The following ARHGAP24 variants were observed in gnomAD, a reference collection of about 807,000 sequenced individuals.
ARHGAP24 encodes Rho GTPase activating protein 24.
A neutral mutation model predicts 76.4 loss-of-function variants in ARHGAP24; 50 were observed. That is an observed-to-expected ratio of 0.65 (90% CI 0.52 to 0.83). The LOEUF (loss-of-function observed/expected upper bound fraction) is 0.83, where lower values mean the gene tolerates loss of function less well. Among genes scored for constraint, ARHGAP24 ranks in the 40% least tolerant of loss-of-function variants. ARHGAP24 has a pLI of 0.00. For synonymous variants in ARHGAP24, 345 were observed against 323.3 expected, an observed-to-expected ratio of 1.07 and a Z score of -0.72; for missense variants, 930 against 914.2, an observed-to-expected ratio of 1.02 and a Z score of -0.22.
chr4:85,833,349 T>C (rs1257194879), intron 3 of ARHGAP24, among the ~76,000 whole-genome samples: 1 of 152,238 alleles, frequency 6.6e-6, no homozygotes, highest in Non-Finnish European at 1.5e-5. Context: ...ACAGCTTCAA[T>C]TGGAAAGGTT....
chr4:85,625,438 A>T (rs868652785), intron 2 of ARHGAP24, among the ~76,000 whole-genome samples: 2 of 152,082 alleles, frequency 1.3e-5, no homozygotes, highest in Admixed American at 1.3e-4. Flanking sequence ...TCTGAGAGAC[A>T]GTTTGTTATA....
At chr4:85,879,628 C>G (rs1733125178) in intron 3 of ARHGAP24, among the ~76,000 whole-genome samples, 1 of 151,740 alleles carries the variant, frequency 6.6e-6, no homozygotes, top group Admixed American at 6.6e-5. Flanking sequence ...TGCACTAGTC[C>G]TCCCTTCTCT....
At chr4:85,482,989 T>C (rs1722875987) in intron 1 of ARHGAP24, among the ~76,000 whole-genome samples, 1 of 152,144 alleles carries the variant, frequency 6.6e-6, no homozygotes, top group South Asian at 2.1e-4. Context: ...CCTGCAACCT[T>C]GGGGAGGTTG....
intron 3 of ARHGAP24, among the ~76,000 whole-genome samples, chr4:85,820,770 T>G (rs1185529251): frequency 6.6e-6 from 1 of 152,182 alleles, no homozygotes; most frequent in Admixed American, 6.5e-5. Context: ...AGACTTTTTT[T>G]GATCCACTGC....
chr4:85,569,238 C>T (rs1578043655), intron 1 of ARHGAP24, among the ~76,000 whole-genome samples: 1 of 152,108 alleles, frequency 6.6e-6, no homozygotes, highest in Admixed American at 6.5e-5. Context: ...GAATAATCTA[C>T]GTTTTATCAG....
chr4:85,964,755 G>A (rs773990648), intron 5 of ARHGAP24, among the ~76,000 whole-genome samples: 59 of 152,050 alleles, frequency 3.9e-4, no homozygotes, highest in Middle Eastern at 3.4e-3. Context: ...CACCAAACTG[G>A]GATTGCTCAA....
chr4:85,547,837 A>G (rs1277418411), intron 1 of ARHGAP24, among the ~76,000 whole-genome samples: 1 of 152,178 alleles, frequency 6.6e-6, no homozygotes, highest in South Asian at 2.1e-4. Context: ...AGAAACTTTG[A>G]CACTATTTAA....
chr4:85,937,162 C>T (rs1006438308), intron 4 of ARHGAP24, among the ~76,000 whole-genome samples: 3 of 152,272 alleles, frequency 2.0e-5, no homozygotes, highest in Admixed American at 1.3e-4. Flanking sequence ...TTCAAAAACT[C>T]ATGGAAGAAA....
intron 4 of ARHGAP24, among the ~76,000 whole-genome samples, chr4:85,935,177 CTA>C (rs1316554163): frequency 6.6e-6 from 1 of 152,188 alleles, no homozygotes; most frequent in Non-Finnish European, 1.5e-5. Context: ...CTATCCAAAT[CTA>C]TATAATTTTA....
chr4:85,921,998 C>T (rs1735747189), intron 3 of ARHGAP24, among the ~76,000 whole-genome samples: 1 of 152,070 alleles, frequency 6.6e-6, no homozygotes, highest in Non-Finnish European at 1.5e-5. Flanking sequence ...TGATGATCAA[C>T]CTAGAGTGGA....
Position 85,995,206 on chromosome 4 carries a change from G to C in ARHGAP24, c.1552G>C (p.Glu518Gln). Reference sequence around the variant, plus strand: ...GACCCTGAGGGATAACAAGCAGAAAGAACAAGCTGGAGAGTTAGGCCAGCA... The same window carrying C: ...GACCCTGAGGGATAACAAGCAGAAACAACAAGCTGGAGAGTTAGGCCAGCA... The part of the protein sequence containing the change: ...YVTLRDNKQK[E>Q]QAGELGQHNR... Residue 518 changes from glutamate to glutamine, a missense_variant, in exon 9 of 10, where the codon GAA (glutamate) becomes CAA (glutamine). Physicochemically the swap from Glu to Gln is conservative, Grantham distance 29. Coordinates refer to ENST00000395184, the MANE Select transcript of ARHGAP24 (RefSeq NM_001025616.3). 6.2e-7 allele frequency: 1 copy of C among 1,613,972 alleles called. No homozygotes were observed. Among genetic ancestry groups the C allele is most frequent in the Non-Finnish European group, 8.5e-7 (1 of 1,180,030 alleles).
chr4:85,619,509 TC>T (rs1352199872), intron 2 of ARHGAP24, among the ~76,000 whole-genome samples: 1 of 151,718 alleles, frequency 6.6e-6, no homozygotes, highest in East Asian at 1.9e-4. Flanking sequence ...AAAAAAAAAG[TC>T]ATTGAAATTT....
At chr4:85,577,994 A>G (rs1727454915) in intron 2 of ARHGAP24, among the ~76,000 whole-genome samples, 1 of 152,192 alleles carries the variant, frequency 6.6e-6, no homozygotes, top group Non-Finnish European at 1.5e-5. Context: ...AAGCAGTGGT[A>G]AATATCTTAG....
chr4:85,897,358 C>T (rs1734235642), intron 3 of ARHGAP24, among the ~76,000 whole-genome samples: 1 of 152,214 alleles, frequency 6.6e-6, no homozygotes, highest in African/African-American at 2.4e-5. Context: ...TGTTTATCTA[C>T]TTTAAAAAAT....
chr4:85,881,460 GTT>G (rs10707352), intron 3 of ARHGAP24, among the ~76,000 whole-genome samples: 10 of 151,368 alleles, frequency 6.6e-5, no homozygotes, highest in Admixed American at 4.6e-4. Context: ...AGGGTTTTGT[GTT>G]TTTTTTTTAA....
At chr4:85,621,811 T>C (rs537064854) in intron 2 of ARHGAP24, among the ~76,000 whole-genome samples, 34 of 152,164 alleles carry the variant, frequency 2.2e-4, no homozygotes, top group Non-Finnish European at 4.7e-4. Context: ...GCATTTGCTT[T>C]TCAGGACTTA....
chr4:85,740,401 T>G (rs1374294159), intron 3 of ARHGAP24, among the ~76,000 whole-genome samples: 1 of 152,000 alleles, frequency 6.6e-6, no homozygotes, highest in Non-Finnish European at 1.5e-5. Flanking sequence ...TTTTGTATTT[T>G]TGGTAGGGAC....
At chr4:85,784,418 T>C (rs1727711386) in intron 3 of ARHGAP24, among the ~76,000 whole-genome samples, 1 of 152,170 alleles carries the variant, frequency 6.6e-6, no homozygotes, top group Non-Finnish European at 1.5e-5. Context: ...AAATTTCATA[T>C]AGGCCTATGG....
At chr4:85,475,707 G>A (rs1468556795) in intron 1 of ARHGAP24, 148 bp downstream of exon 1, 1 of 80,726 alleles carries the variant, frequency 1.2e-5, no homozygotes, top group Admixed American at 1.3e-4. Flanking sequence ...GGGGGCTGCG[G>A]GGGGCGGGGA....
Sources: allele counts gnomAD v4.1 joint callset (sites outside exome capture counted in the v4.1 genomes callset), GRCh38; gene constraint gnomAD v4.1.1; transcripts MANE v1.5; gene names NCBI Gene and HGNC (gene_info 2026-07-23, HGNC 2026-07-21).